Variants in MAPKAPK2 observed in about 807,000 individuals in gnomAD.
MAPKAPK2 encodes the protein MAPK activated protein kinase 2.
A neutral mutation model predicts 48.8 loss-of-function variants in MAPKAPK2; 9 were observed. The ratio of observed to expected loss-of-function variants is 0.18; its 90% CI spans 0.11 to 0.32. The LOEUF (loss-of-function observed/expected upper bound fraction) is 0.32, where lower values mean the gene tolerates loss of function less well. Ranked by LOEUF, MAPKAPK2 falls within the 10% of genes least tolerant of loss-of-function variation. The pLI is 1.00. For missense variants in MAPKAPK2, 331 were observed against 498.3 expected, an observed-to-expected ratio of 0.66 and a Z score of 3.20; for synonymous variants, 202 against 190.6, an observed-to-expected ratio of 1.06 and a Z score of -0.49.
intron 1 of MAPKAPK2, among the ~76,000 whole-genome samples, chr1:206,712,858 C>G (rs949553176): frequency 6.6e-6 from 1 of 151,738 alleles, no homozygotes; most frequent in Admixed American, 6.6e-5. Context: ...CCCAGCTACT[C>G]AGGAGGCTGA....
At chr1:206,730,335 A>C (rs917452901) in intron 5 of MAPKAPK2, among the ~76,000 whole-genome samples, 1 of 152,218 alleles carries the variant, frequency 6.6e-6, no homozygotes, top group Non-Finnish European at 1.5e-5. Context: ...TTTCCATCAG[A>C]TTCTCCATGG....
intron 1 of MAPKAPK2, among the ~76,000 whole-genome samples, chr1:206,723,437 C>G (rs782020828): frequency 9.9e-5 from 15 of 152,172 alleles, no homozygotes; most frequent in Admixed American, 3.9e-4. Flanking sequence ...GGGACTATTA[C>G]TGTCCTATTA....
At chr1:206,692,677 A>G (rs953404427) in intron 1 of MAPKAPK2, among the ~76,000 whole-genome samples, 7 of 152,174 alleles carry the variant, frequency 4.6e-5, no homozygotes, top group African/African-American at 1.4e-4. Flanking sequence ...GTCAGCCCAT[A>G]TTTGTATCTG....
At chr1:206,702,994 C>T (rs1672847537) in intron 1 of MAPKAPK2, among the ~76,000 whole-genome samples, 2 of 152,216 alleles carry the variant, frequency 1.3e-5, no homozygotes, top group Non-Finnish European at 2.9e-5. Context: ...GCTATGCACT[C>T]AAATTACAGC....
chr1:206,690,608 G>A (rs1341656091), intron 1 of MAPKAPK2, among the ~76,000 whole-genome samples: 2 of 152,228 alleles, frequency 1.3e-5, no homozygotes, highest in African/African-American at 4.8e-5. Flanking sequence ...CAGGTACAGG[G>A]GATTGGGAGG....
intron 1 of MAPKAPK2, among the ~76,000 whole-genome samples, chr1:206,687,310 G>GTAACT (rs1672317622): frequency 6.6e-6 from 1 of 152,188 alleles, no homozygotes; most frequent in African/African-American, 2.4e-5. Context: ...GATTTCTCTT[G>GTAACT]TAACTAACGA....
At chr1:206,718,805 T>A (rs969215309) in intron 1 of MAPKAPK2, among the ~76,000 whole-genome samples, 1 of 152,148 alleles carries the variant, frequency 6.6e-6, no homozygotes, top group Non-Finnish European at 1.5e-5. Flanking sequence ...TGTAGGATGG[T>A]TTCTTGCTGG....
intron 1 of MAPKAPK2, among the ~76,000 whole-genome samples, chr1:206,714,933 A>G (rs1673279455): frequency 6.6e-6 from 1 of 152,116 alleles, no homozygotes; most frequent in African/African-American, 2.4e-5. Flanking sequence ...TGTGGGTACC[A>G]GGTTTCGAGA....
rs74637810 is a variant in MAPKAPK2 at position 206,723,191 on chromosome 1, G to A, written c.280-5519G>A. On this transcript the variant is annotated intron_variant, in intron 1 of 9. Coordinates refer to ENST00000367103, the MANE Select transcript of MAPKAPK2 (RefSeq NM_032960.4). ...GATGCCACAGCCTGCTTTCCTCCCC[G>A]TGTCCTGGGGTCCCCCGTCTGTCCA... is the stretch of plus-strand genomic sequence containing the variant. Among the ~76,000 whole-genome samples, 1,079 of 152,266 alleles carry A rather than the reference G, an allele frequency of 7.1e-3. 6 individuals carry two copies. The highest frequency in any genetic ancestry group is 0.011 in the Non-Finnish European group (776 of 68,018).
rs1237887600 is a variant in MAPKAPK2, at chr1:206,733,591, GC to G, written c.*879del. ...GAAGACTGGACCCCCAGCCCCCAGG[GC>G]CCCCCTCCCCCCACTTAGTGCTGGT... On this transcript the variant is annotated 3_prime_UTR_variant, in exon 10 of 10. Transcript: ENST00000367103. 4.6e-5 allele frequency: 7 copies of G among 152,530 alleles called. No homozygotes were observed. The highest frequency in any genetic ancestry group is 1.4e-4 in the African/African-American group (6 of 41,428). 9.4% of individuals were successfully genotyped at this position (152,530 alleles called of 1,614,324 possible). A position where few individuals can be genotyped will look rare whatever the true frequency, so the allele number is the denominator to read the frequency against.
intron 1 of MAPKAPK2, among the ~76,000 whole-genome samples, chr1:206,692,714 T>C (rs1223822274): frequency 6.6e-6 from 1 of 152,208 alleles, no homozygotes; most frequent in Non-Finnish European, 1.5e-5. Flanking sequence ...CCAGCCAAGC[T>C]GTGCGCTCAT....
At chr1:206,728,618 T>G in intron 1 of MAPKAPK2, 92 bp from the exon 2 acceptor site, 1 of 1,442,118 alleles carries the variant, frequency 6.9e-7, no homozygotes, top group Non-Finnish European at 9.4e-7. Context: ...GGGTTTGTGG[T>G]ATGTCGGTGG....
chr1:206,727,164 CTTAA>C (rs1218191928), intron 1 of MAPKAPK2, among the ~76,000 whole-genome samples: 4 of 152,170 alleles, frequency 2.6e-5, no homozygotes, highest in African/African-American at 4.8e-5. Flanking sequence ...GTGTCCTTGT[CTTAA>C]TTATTTTGGC....
intron 1 of MAPKAPK2, among the ~76,000 whole-genome samples, chr1:206,718,799 G>A (rs1338575757): frequency 6.6e-6 from 1 of 152,082 alleles, no homozygotes; most frequent in South Asian, 2.1e-4. Flanking sequence ...ATAATGTGTA[G>A]GATGGTTTCT....
rs1553428258 is a variant in MAPKAPK2 at position 206,704,211 on chromosome 1, G to A, written c.279+18703G>A. On this transcript the variant is annotated intron_variant, in intron 1 of 9. Transcript: ENST00000367103. This position sits in a 1 kb window ranked among gnomAD's most constrained non-coding sequence, Gnocchi z 4.3. ...AATCTGAGATATGTCATTTGAATAT[G>A]AACGCACTAGACTTTCTGGGAAATG... 6.6e-6 allele frequency among the ~76,000 whole-genome samples: 1 copy of A among 151,858 alleles called. No individual in the cohort carries two copies. Among genetic ancestry groups the A allele is most frequent in the East Asian group, 1.9e-4 (1 of 5,200 alleles).
rs149690683 is a variant in MAPKAPK2, at chr1:206,723,173, C to T, written c.280-5537C>T. ...GGGAGTGTACAGGGCTGGGATGCCA[C>T]AGCCTGCTTTCCTCCCCGTGTCCTG... On this transcript the variant is annotated intron_variant, in intron 1 of 9. Transcript: ENST00000367103. Among the ~76,000 whole-genome samples, 354 of 152,322 alleles carry T rather than the reference C, an allele frequency of 2.3e-3. 2 individuals are homozygous for T. Among genetic ancestry groups the T allele is most frequent in the African/African-American group, 8.2e-3 (339 of 41,566 alleles).
chr1:206,690,086 G>A (rs1553426084), intron 1 of MAPKAPK2, among the ~76,000 whole-genome samples: 2 of 152,212 alleles, frequency 1.3e-5, no homozygotes, highest in Non-Finnish European at 2.9e-5. Flanking sequence ...GGTCAGAGTG[G>A]TCAGGGGTTG....
chr1:206,728,591 G>GA (rs1673785221), intron 1 of MAPKAPK2, 119 bp from the exon 2 acceptor site: 1 of 1,124,208 alleles, frequency 8.9e-7, no homozygotes. Context: ...CTGGTGGGGG[G>GA]GGCCAGCAGG....
intron 5 of MAPKAPK2, 119 bp downstream of exon 5, chr1:206,730,217 G>A: frequency 7.9e-7 from 1 of 1,259,796 alleles, no homozygotes; most frequent in Non-Finnish European, 1.1e-6. Context: ...GCCCCTTCTG[G>A]TGCTGGTTCT....
Sources: gnomAD v4.1 joint callset for allele counts (sites outside exome capture counted in the v4.1 genomes callset) on GRCh38, gnomAD v4.1.1 for gene constraint, Gnocchi (gnomAD v3.1) non-coding constraint, MANE v1.5 for transcripts, NCBI Gene and HGNC (gene_info 2026-07-23, HGNC 2026-07-21) for gene names.